The following PAX1 variants were observed in gnomAD, a reference collection of about 807,000 sequenced individuals.
The protein encoded by PAX1 is paired box 1, also known as paired box protein Pax-1.
In PAX1, 18 loss-of-function variants were observed where a neutral mutation model predicts 35.6. That is an observed-to-expected ratio of 0.50 (90% confidence interval 0.35 to 0.75). PAX1 has a LOEUF of 0.75. PAX1 is among the 30% of genes least tolerant of loss of function. PAX1 has a pLI of 0.01. For synonymous variants in PAX1, 397 were observed against 305.2 expected (o/e 1.30, Z -3.14); for missense variants, 760 against 661.5 (o/e 1.15, Z -1.63).
At chr20:21,709,512 T>A in intron 4 of PAX1, 68 bp downstream of exon 4, 1 of 1,245,066 alleles carries the variant, frequency 8.0e-7, no homozygotes, top group Non-Finnish European at 1.1e-6. Context: ...GGAGCGGGTG[T>A]GAGCCTGGGA....
rs770755671 is a variant in PAX1 at position 21,706,430 on chromosome 20, A to T, written c.287-8A>T. The T allele has an allele frequency of 8.7e-6, 14 of 1,611,334 alleles. No homozygotes were observed. The highest frequency in any genetic ancestry group is 1.0e-5 in the Non-Finnish European group (12 of 1,179,770). ...CCTCCGGCTCACTCTTGTCTGGCGC[A>T]TCCGCAGAGCAGACGTATGGCGAGG... On this transcript the variant is annotated splice_region_variant and splice_polypyrimidine_tract_variant and intron_variant, in intron 1 of 4. Transcript: ENST00000613128. This position sits in a 1 kb window ranked among gnomAD's most constrained non-coding sequence, Gnocchi z 5.3.
rs747048198 is a variant in PAX1, at chr20:21,709,361, C to T, written c.1199C>T (p.Pro400Leu). ...GPPWPPAQGP[P>L]LAPPGAGVAV... Reference sequence around the variant, plus strand: ...CCGTGGCCGCCTGCGCAAGGTCCTCCTCTGGCGCCCCCCGGGGCCGGCGTA... The same window carrying T: ...CCGTGGCCGCCTGCGCAAGGTCCTCTTCTGGCGCCCCCCGGGGCCGGCGTA... Residue 400 changes from proline to leucine, a missense_variant, in exon 4 of 5, where the codon CCT becomes CTT. By Grantham distance (98) the Pro-to-Leu change is moderately conservative. Coordinates refer to ENST00000613128, the MANE Select transcript of PAX1 (RefSeq NM_001257096.2). 1 of 1,586,894 alleles carries T rather than the reference C, an allele frequency of 6.3e-7. No homozygotes were observed. The highest frequency in any genetic ancestry group is 8.5e-7 in the Non-Finnish European group (1 of 1,170,716).
chr20:21,714,245 G>T (rs1227665607), intron 4 of PAX1, among the ~76,000 whole-genome samples: 4 of 152,192 alleles, frequency 2.6e-5, no homozygotes, highest in African/African-American at 9.6e-5. Flanking sequence ...GAGGAGTCCC[G>T]CTTGCCAAGG....
intron 3 of PAX1, 103 bp from the exon 4 acceptor site, chr20:21,709,119 G>A (rs1449459425): frequency 1.1e-6 from 1 of 912,062 alleles, no homozygotes; most frequent in African/African-American, 1.6e-5. Flanking sequence ...ATGGGCACAG[G>A]ACGTGGGGGA....
chr20:21,709,148 C>A, intron 3 of PAX1, 74 bp from the exon 4 acceptor site: 1 of 1,153,080 alleles, frequency 8.7e-7, no homozygotes, highest in Non-Finnish European at 1.3e-6. Flanking sequence ...GGACGAAAAC[C>A]CCCGTCTCAG....
At position 21,705,781 on chromosome 20, in the gene PAX1, G is replaced by C. The variant is rs1167403013; in HGVS notation, c.69G>C (p.Ala23=). 1.9e-5 allele frequency: 24 copies of C among 1,262,828 alleles called. No individual in the cohort carries two copies. Among genetic ancestry groups the C allele is most frequent in the Non-Finnish European group, 2.4e-5 (24 of 1,004,208 alleles). 78.2% of individuals were successfully genotyped at this position (1,262,828 alleles called of 1,614,324 possible). ...CCTGGGAGGGGGCAGCAGCGGCGGC[G>C]GCAGGCCCTGGAGCGGGCGGCAGCG... ...RVSWEGAAAA[A]AGPGAGGSAL... is the part of the protein sequence containing the mutation. The change falls in exon 1 of 5, where the codon GCG becomes GCC. Residue 23 remains alanine, a synonymous_variant. Transcript: ENST00000613128.
Position 21,714,808 on chromosome 20 carries a change from C to A in PAX1, c.*246C>A, listed in dbSNP as rs1221766076. 5 of 1,597,210 alleles carry A rather than the reference C, an allele frequency of 3.1e-6. No individual in the cohort carries two copies. The highest frequency in any genetic ancestry group is 4.2e-6 in the Non-Finnish European group (5 of 1,177,530). ...TTCTCTGAACTTGGGTTTTAGACTG[C>A]CGTACCCTCCTCACAATCCTTGCTC... On this transcript the variant is annotated 3_prime_UTR_variant, in exon 5 of 5. Coordinates refer to ENST00000613128, the MANE Select transcript of PAX1 (RefSeq NM_001257096.2).
At chr20:21,709,737 G>A (rs1428993456) in intron 4 of PAX1, among the ~76,000 whole-genome samples, 1 of 152,058 alleles carries the variant, frequency 6.6e-6, no homozygotes, top group Admixed American at 6.6e-5. Context: ...GCGTGGGTTT[G>A]GATCCGGTTC....
rs1984952732 is a variant in PAX1, at chr20:21,705,701, T to C, written c.-12T>C. 2 of 1,239,306 alleles carry C rather than the reference T, an allele frequency of 1.6e-6. No individual in the cohort carries two copies. Among genetic ancestry groups the C allele is most frequent in the Admixed American group, 4.3e-5 (1 of 23,316 alleles). The allele number at this position is 1,239,306 out of a possible 1,614,324, so 76.8% of individuals were successfully genotyped here. A position where few individuals can be genotyped will look rare whatever the true frequency, so the allele number is the denominator to read the frequency against. Reference sequence around the variant, plus strand: ...CTGCAGCCTCCCGGTCAGACGAATTTCTCCCAATCGGATGAAGTTCACCCT... The same window carrying C: ...CTGCAGCCTCCCGGTCAGACGAATTCCTCCCAATCGGATGAAGTTCACCCT... On this transcript the variant is annotated 5_prime_UTR_variant, in exon 1 of 5. Transcript: ENST00000613128.
Position 21,714,886 on chromosome 20 carries a change from T to G in PAX1, c.*324T>G. On this transcript the variant is annotated 3_prime_UTR_variant, in exon 5 of 5. Coordinates refer to ENST00000613128, the MANE Select transcript of PAX1 (RefSeq NM_001257096.2). Reference sequence around the variant, plus strand: ...TTCAAATTTCTTTTTTGTCACTCCCTTGTCCGTCTCCGTCTCGCCTCTCTC... The same window carrying G: ...TTCAAATTTCTTTTTTGTCACTCCCGTGTCCGTCTCCGTCTCGCCTCTCTC... The G allele has an allele frequency of 1.8e-6, 2 of 1,100,028 alleles. No individual in the cohort carries two copies. Among genetic ancestry groups the G allele is most frequent in the South Asian group, 2.6e-5 (2 of 77,348 alleles). The allele number at this position is 1,100,028 out of a possible 1,614,324, so 68.1% of individuals were successfully genotyped here. A position where few individuals can be genotyped will look rare whatever the true frequency, so the allele number is the denominator to read the frequency against.
Position 21,706,385 on chromosome 20 carries a change from C to A in PAX1, c.287-53C>A. On this transcript the variant is annotated intron_variant, in intron 1 of 4. Coordinates refer to ENST00000613128, the MANE Select transcript of PAX1 (RefSeq NM_001257096.2). This position sits in a 1 kb window ranked among gnomAD's most constrained non-coding sequence, Gnocchi z 5.3. Reference sequence around the variant, plus strand: ...GCTCCGCGTGGGGACCCTTGGCTAACCCGCCGGGTGTTTTCTCCCCCTCCG... The same window carrying A: ...GCTCCGCGTGGGGACCCTTGGCTAAACCGCCGGGTGTTTTCTCCCCCTCCG... 1 of 1,605,248 alleles carries A rather than the reference C, an allele frequency of 6.2e-7. No homozygotes were observed.
rs1461925209 is a variant in PAX1 at position 21,707,055 on chromosome 20, A to G, written c.904A>G (p.Met302Val). The change falls in exon 2 of 5, where the codon ATG becomes GTG. Residue 302 changes from methionine to valine, a missense_variant. By Grantham distance (21) the Met-to-Val change is conservative. Around this residue, in one of 3 missense-constraint regions of PAX1, gnomAD observed 490 missense variants for 428.4 expected, o/e 1.14. Transcript: ENST00000613128. ...VSNILGIRTFMEQTGALAGSE... is the reference protein window; with the variant it reads ...VSNILGIRTFVEQTGALAGSE... ...CAACATCCTGGGCATCCGGACGTTT[A>G]TGGAGCAAACAGGTCAGTTGTGGCG... is the stretch of plus-strand genomic sequence containing the variant. 2.5e-6 allele frequency: 4 copies of G among 1,612,896 alleles called. No homozygotes were observed. Among genetic ancestry groups the G allele is most frequent in the Non-Finnish European group, 3.4e-6 (4 of 1,180,022 alleles).
At chr20:21,707,746 G>A (rs1448870720) in intron 2 of PAX1, among the ~76,000 whole-genome samples, 2 of 152,122 alleles carry the variant, frequency 1.3e-5, no homozygotes, top group African/African-American at 4.8e-5. Flanking sequence ...ATTTCTTTGC[G>A]CTCTCCCCAG....
At position 21,708,521 on chromosome 20, in the gene PAX1, C is replaced by T. The variant is rs572608460; in HGVS notation, c.917-37C>T. 2.2e-5 allele frequency: 35 copies of T among 1,611,874 alleles called. No homozygotes were observed. The South Asian group carries it at 3.4e-4, about 16-fold the overall frequency. ...GCCACACGTGTGCCCAGGGCAGATT[C>T]GGAGGCACCTTTTAATCCGTCCTCT... On this transcript the variant is annotated intron_variant, in intron 2 of 4. Coordinates refer to ENST00000613128, the MANE Select transcript of PAX1 (RefSeq NM_001257096.2).
rs1298534519 is a variant in PAX1 at position 21,714,768 on chromosome 20, T to A, written c.*206T>A. 1 of 1,601,174 alleles carries A rather than the reference T, an allele frequency of 6.2e-7. No individual in the cohort carries two copies. Among genetic ancestry groups the A allele is most frequent in the East Asian group, 2.2e-5 (1 of 44,840 alleles). On this transcript the variant is annotated 3_prime_UTR_variant, in exon 5 of 5. Coordinates refer to ENST00000613128, the MANE Select transcript of PAX1 (RefSeq NM_001257096.2). ...GGACCCACCACACTTCCTTTATTGG[T>A]CTGGGTTTTTAGGCTTCTCTGAACT...
Position 21,709,224 on chromosome 20 carries a change from G to T in PAX1, c.1062G>T (p.Ser354=). ...ACGGTCCCTCTCTATCCCCACAGTC[G>T]GCCTCCACCCTCTCTGCCGTGGGCG... ...ALEADIKYTQ[S]ASTLSAVGGF... Residue 354 remains serine, a splice_region_variant and synonymous_variant, in exon 4 of 5, where the codon TCG becomes TCT. Transcript: ENST00000613128. 6.2e-7 allele frequency: 1 copy of T among 1,605,172 alleles called. No homozygotes were observed. Among genetic ancestry groups the T allele is most frequent in the Non-Finnish European group, 8.5e-7 (1 of 1,178,692 alleles).
rs778088725 is a variant in PAX1, at chr20:21,706,852, A to C, written c.701A>C (p.Tyr234Ser). The change falls in exon 2 of 5, where the codon TAC becomes TCC. Residue 234 changes from tyrosine to serine, a missense_variant. This residue lies in a region of PAX1 where 490 missense variants were observed against 428.4 expected (regional missense o/e 1.14). Coordinates refer to ENST00000613128, the MANE Select transcript of PAX1 (RefSeq NM_001257096.2). This position sits in a 1 kb window ranked among gnomAD's most constrained non-coding sequence, Gnocchi z 5.3. ...KIGSLAQPGP[Y>S]EASKQPPSQP... ...GGCAGCCTGGCGCAGCCCGGACCGTACGAGGCAAGTAAGCAGCCGCCGTCG... is the reference window on the plus strand; with the variant it reads ...GGCAGCCTGGCGCAGCCCGGACCGTCCGAGGCAAGTAAGCAGCCGCCGTCG... 5 of 1,613,374 alleles carry C rather than the reference A, an allele frequency of 3.1e-6. No homozygotes were observed. In the South Asian group the frequency reaches 5.5e-5, roughly 18 times the overall value.
At chr20:21,713,980 G>A (rs1985280475) in intron 4 of PAX1, among the ~76,000 whole-genome samples, 1 of 152,234 alleles carries the variant, frequency 6.6e-6, no homozygotes, top group Non-Finnish European at 1.5e-5. Context: ...TGCCCACAGC[G>A]AGCTCCGAGC....
chr20:21,708,660 T>A lies in PAX1; in HGVS notation c.1019T>A (p.Leu340Gln). The A allele has an allele frequency of 1.9e-6, 3 of 1,613,494 alleles. No homozygotes were observed. Among genetic ancestry groups the A allele is most frequent in the Non-Finnish European group, 2.5e-6 (3 of 1,180,004 alleles). Residue 340 changes from leucine to glutamine, a missense_variant, in exon 3 of 5, where the codon CTA (leucine) becomes CAA (glutamine). Leu to Gln is a moderately radical substitution (Grantham distance 113, BLOSUM62 -2). Transcript: ENST00000613128. ...AFPATPAVNG[L>Q]EKPALEADIK... Reference sequence around the variant, plus strand: ...CCCGCCACCCCCGCAGTGAATGGGCTAGAGAAACCTGCCTTAGAGGCAGAC... The same window carrying A: ...CCCGCCACCCCCGCAGTGAATGGGCAAGAGAAACCTGCCTTAGAGGCAGAC...
Sources: gnomAD v4.1 joint callset for allele counts (sites outside exome capture counted in the v4.1 genomes callset) on GRCh38, gnomAD v4.1.1 for gene constraint, gnomAD v4.1.1 regional missense constraint, Gnocchi (gnomAD v3.1) non-coding constraint, MANE v1.5 for transcripts, NCBI Gene and HGNC (gene_info 2026-07-23, HGNC 2026-07-21) for gene names.